The following CTNNA3 variants were observed in gnomAD, a reference collection of about 807,000 sequenced individuals.
CTNNA3 encodes catenin alpha 3.
A neutral mutation model predicts 95.7 loss-of-function variants in CTNNA3; 76 were observed. That is an observed-to-expected ratio of 0.79 (90% confidence interval 0.66 to 0.96). The LOEUF (loss-of-function observed/expected upper bound fraction) is 0.96. Ranked by LOEUF, CTNNA3 falls within the 40% of genes least tolerant of loss-of-function variation. CTNNA3 has a pLI of 0.00. For synonymous variants in CTNNA3, 431 were observed against 374.4 expected (o/e 1.15, Z -1.74); for missense variants, 1,191 against 1,089.8 (o/e 1.09, Z -1.31).
intron 5 of CTNNA3, among the ~76,000 whole-genome samples, chr10:67,386,669 T>C (rs935396059): frequency 3.9e-5 from 6 of 152,172 alleles, no homozygotes; most frequent in Admixed American, 6.5e-5. Context: ...TATACTTTAA[T>C]CCCAATGGCC....
chr10:66,376,229 T>C (rs903300255), intron 12 of CTNNA3, among the ~76,000 whole-genome samples: 4 of 152,196 alleles, frequency 2.6e-5, no homozygotes, highest in Admixed American at 2.6e-4. Flanking sequence ...GCCTTCACAA[T>C]ACAGTCCAGA....
chr10:67,424,581 G>A (rs763141483), intron 5 of CTNNA3, among the ~76,000 whole-genome samples: 12 of 151,926 alleles, frequency 7.9e-5, no homozygotes, highest in Non-Finnish European at 1.5e-4. Flanking sequence ...AGGCTTCAAG[G>A]TACCCTAGAT....
intron 7 of CTNNA3, among the ~76,000 whole-genome samples, chr10:66,840,358 TCTCTCTCTCTCTCTCACACACACA>T (rs1341126235): frequency 2.4e-5 from 3 of 123,156 alleles, no homozygotes; most frequent in African/African-American, 7.7e-5. Context: ...TCTCTCTCTC[TCTCTCTCTCTCTCTCACACACACA>T]CACACACACA....
intron 10 of CTNNA3, among the ~76,000 whole-genome samples, chr10:66,549,741 T>C (rs770361731): frequency 4.6e-5 from 7 of 152,220 alleles, no homozygotes; most frequent in Non-Finnish European, 1.0e-4. Context: ...AATTCATGAA[T>C]TATTTAGAAG....
intron 9 of CTNNA3, among the ~76,000 whole-genome samples, chr10:66,654,596 C>T (rs1170703673): frequency 6.6e-6 from 1 of 152,044 alleles, no homozygotes. Flanking sequence ...TGTAATCTCA[C>T]TTCTGGATAT....
At chr10:66,373,601 T>TAAAAA (rs34263718) in intron 12 of CTNNA3, among the ~76,000 whole-genome samples, 2 of 148,402 alleles carry the variant, frequency 1.3e-5, no homozygotes, top group African/African-American at 4.9e-5. Context: ...CTAATTGTGT[T>TAAAAA]AAAAAAAAAA....
intron 5 of CTNNA3, among the ~76,000 whole-genome samples, chr10:67,337,197 G>A (rs59180033): frequency 0.076 from 11,517 of 152,158 alleles, 696 homozygotes; most frequent in East Asian, 0.24. Flanking sequence ...ACGATTCATG[G>A]GAGGAGGTCA....
intron 9 of CTNNA3, among the ~76,000 whole-genome samples, chr10:66,704,626 G>A (rs189832085): frequency 9.2e-5 from 14 of 152,222 alleles, no homozygotes; most frequent in Non-Finnish European, 1.5e-5. Context: ...AGGGGTCTGG[G>A]AGGGTCTTCT....
chr10:66,352,465 A>G (rs2092574151), intron 12 of CTNNA3, among the ~76,000 whole-genome samples: 2 of 152,158 alleles, frequency 1.3e-5, no homozygotes, highest in South Asian at 4.1e-4. Context: ...GTAGGAAGCA[A>G]ATACAACAAA....
chr10:65,948,360 C>T lies in CTNNA3; in HGVS notation c.2400+18252G>A, dbSNP rs554992851. ...CACCCCCCCCAACATAGTAGGTGCT[C>T]AATGTCTACACAATGTATGAATATA... On this transcript the variant is annotated intron_variant, in intron 17 of 17. Coordinates refer to ENST00000433211, the MANE Select transcript of CTNNA3 (RefSeq NM_013266.4). Among the ~76,000 whole-genome samples, 5 of 151,530 alleles carry T rather than the reference C, an allele frequency of 3.3e-5. No homozygotes were observed. In the East Asian group the frequency reaches 9.7e-4, roughly 29 times the overall value.
chr10:67,745,325 A>C (rs1216188120), intron 1 of CTNNA3, among the ~76,000 whole-genome samples: 2 of 152,176 alleles, frequency 1.3e-5, no homozygotes, highest in African/African-American at 4.8e-5. Flanking sequence ...AATACCATGC[A>C]GCCATAAAAA....
At chr10:67,176,930 C>T (rs770684090) in intron 7 of CTNNA3, 4 of 506,696 alleles carry the variant, frequency 7.9e-6, no homozygotes, top group African/African-American at 7.7e-5. Flanking sequence ...ATGCATTCCT[C>T]CAACAATTTG....
intron 5 of CTNNA3, among the ~76,000 whole-genome samples, chr10:67,431,276 C>T (rs1468160432): frequency 6.6e-6 from 1 of 152,008 alleles, no homozygotes; most frequent in Non-Finnish European, 1.5e-5. Flanking sequence ...GAACTCTAAA[C>T]TTGTCTTGGA....
At chr10:66,914,194 G>A (rs981442051) in intron 7 of CTNNA3, among the ~76,000 whole-genome samples, 3 of 143,318 alleles carry the variant, frequency 2.1e-5, no homozygotes, top group Middle Eastern at 3.9e-3. Context: ...GCAGTGGCAC[G>A]ATCTCGGCTC....
rs1057459171 is a variant in CTNNA3, at chr10:66,124,965, T to C, written c.1885-21716A>G. On this transcript the variant is annotated intron_variant, in intron 13 of 17. Coordinates refer to ENST00000433211, the MANE Select transcript of CTNNA3 (RefSeq NM_013266.4). Reference sequence around the variant, plus strand: ...CCAAATAAGAGAGTAGAGTAAATTTTTTGAATTGTCAATTAGGAAAAAGAA... The same window carrying C: ...CCAAATAAGAGAGTAGAGTAAATTTCTTGAATTGTCAATTAGGAAAAAGAA... Among the ~76,000 whole-genome samples, 15 of 152,148 alleles carry C rather than the reference T, an allele frequency of 9.9e-5. 1 individual carries two copies. Among genetic ancestry groups the C allele is most frequent in the Non-Finnish European group, 1.8e-4 (12 of 68,026 alleles).
chr10:66,607,389 C>T (rs1315882685), intron 10 of CTNNA3, among the ~76,000 whole-genome samples: 1 of 130,088 alleles, frequency 7.7e-6, no homozygotes, highest in Non-Finnish European at 1.6e-5. Context: ...GAAACTATTC[C>T]AAAATATTGA....
At chr10:66,171,717 T>A (rs2085441712) in intron 13 of CTNNA3, among the ~76,000 whole-genome samples, 1 of 152,060 alleles carries the variant, frequency 6.6e-6, no homozygotes, top group Non-Finnish European at 1.5e-5. Context: ...AATCGAGCAG[T>A]ACTGGTTCTA....
chr10:65,955,346 G>T (rs947354440), intron 17 of CTNNA3, among the ~76,000 whole-genome samples: 17 of 152,166 alleles, frequency 1.1e-4, no homozygotes, highest in African/African-American at 4.1e-4. Flanking sequence ...GGGACAATTT[G>T]ACTTCCTCTT....
intron 4 of CTNNA3, among the ~76,000 whole-genome samples, chr10:67,525,579 T>G (rs1413935514): frequency 1.3e-5 from 2 of 152,230 alleles, no homozygotes; most frequent in Admixed American, 6.5e-5. Context: ...ATACAAATTA[T>G]GCATCCAATG....
Sources: allele counts gnomAD v4.1 joint callset (sites outside exome capture counted in the v4.1 genomes callset), GRCh38; gene constraint gnomAD v4.1.1; transcripts MANE v1.5; gene names NCBI Gene and HGNC (gene_info 2026-07-23, HGNC 2026-07-21).